The following RP1 variants were observed in gnomAD, a reference collection of about 807,000 sequenced individuals.
RP1 encodes oxygen-regulated protein 1.
RP1 carries 16 observed loss-of-function variants against 14.8 expected under a neutral mutation model. The observed-to-expected ratio is 1.08, with a 90% CI of 0.73 to 1.65. RP1 has a LOEUF of 1.65. Ranked by LOEUF, RP1 falls within the 40% of genes most tolerant of loss-of-function variation. The pLI, the probability that RP1 is intolerant of heterozygous loss-of-function variation, is 0.00. For missense variants in RP1, 2,631 were observed against 2,535.0 expected, an observed-to-expected ratio of 1.04 and a Z score of -0.81; for synonymous variants, 876 against 883.6, an observed-to-expected ratio of 0.99 and a Z score of 0.15.
At chr8:54,752,569 TA>T (rs1475247587) in intron 19 of RP1, among the ~76,000 whole-genome samples, 1 of 152,244 alleles carries the variant, frequency 6.6e-6, no homozygotes, top group African/African-American at 2.4e-5. Context: ...TCAACCTGCT[TA>T]TTCCAGTTCA....
chr8:54,636,611 G>A (rs775940681), intron 3 of RP1, among the ~76,000 whole-genome samples: 4 of 152,050 alleles, frequency 2.6e-5, no homozygotes, highest in Non-Finnish European at 5.9e-5. Context: ...GGTCGTGGGC[G>A]CCTGTAATCC....
At chr8:54,594,021 T>G (rs1366938257) in intron 1 of RP1, among the ~76,000 whole-genome samples, 2 of 151,540 alleles carry the variant, frequency 1.3e-5, no homozygotes, top group Admixed American at 1.3e-4. Flanking sequence ...CTGAGAGAAC[T>G]TGGGACCAGG....
intron 18 of RP1, among the ~76,000 whole-genome samples, chr8:54,738,718 G>A (rs1464023026): frequency 2.0e-5 from 3 of 151,954 alleles, no homozygotes; most frequent in Non-Finnish European, 2.9e-5. Flanking sequence ...GACTCCTTCT[G>A]CATATTTTTA....
chr8:54,622,345 C>T, intron 3 of RP1, 57 bp downstream of exon 3: 2 of 1,493,154 alleles, frequency 1.3e-6, no homozygotes, highest in Admixed American at 1.7e-5. Flanking sequence ...TTTTTTGCCT[C>T]AAGGACGGCA....
At chr8:54,639,739 A>G (rs891693763) in intron 3 of RP1, among the ~76,000 whole-genome samples, 6 of 152,166 alleles carry the variant, frequency 3.9e-5, no homozygotes, top group African/African-American at 1.4e-4. Flanking sequence ...TCTGTTGGGC[A>G]TTTGAAATCT....
intron 12 of RP1, among the ~76,000 whole-genome samples, chr8:54,689,386 G>A (rs1185674265): frequency 1.3e-5 from 2 of 152,042 alleles, no homozygotes; most frequent in African/African-American, 4.8e-5. Flanking sequence ...TCCCTGTCTC[G>A]TTACATTTTA....
intron 1 of RP1, among the ~76,000 whole-genome samples, chr8:54,598,115 A>G (rs932425697): frequency 1.3e-5 from 2 of 152,190 alleles, no homozygotes; most frequent in Non-Finnish European, 2.9e-5. Flanking sequence ...CATATAGCAT[A>G]TGAGTTCATT....
Position 54,621,057 on chromosome 8 carries a change from C to T in RP1, c.91C>T (p.His31Tyr). ...VPPPRHLSLT[H>Y]PVVAKRISFY... ...ACCCCCTCGCCATTTGAGCCTCACT[C>T]ATCCTGTTGTGGCCAAGCGAATCAG... The change falls in exon 2 of 4, where the codon CAT (histidine) becomes TAT (tyrosine). Residue 31 changes from histidine (H) to tyrosine (Y), a missense_variant. Physicochemically the swap from His to Tyr is moderately conservative, Grantham distance 83. Transcript: ENST00000220676. The T allele has an allele frequency of 6.2e-7, 1 of 1,614,192 alleles. No homozygotes were observed. The highest frequency in any genetic ancestry group is 8.5e-7 in the Non-Finnish European group (1 of 1,180,038).
intron 1 of RP1, among the ~76,000 whole-genome samples, chr8:54,617,998 C>T (rs1420228632): frequency 1.3e-5 from 2 of 152,168 alleles, no homozygotes; most frequent in African/African-American, 4.8e-5. Flanking sequence ...TACAAGGATG[C>T]AGAATCTCAA....
chr8:54,865,366 C>T (rs1199686179), intron 27 of RP1, among the ~76,000 whole-genome samples: 1 of 151,060 alleles, frequency 6.6e-6, no homozygotes, highest in Non-Finnish European at 1.5e-5. Context: ...TTCTTCCCTC[C>T]TTCTCTCTCT....
chr8:54,737,689 G>A (rs951805009), intron 18 of RP1, among the ~76,000 whole-genome samples: 1 of 152,130 alleles, frequency 6.6e-6, no homozygotes, highest in Non-Finnish European at 1.5e-5. Context: ...ATTGAAACAG[G>A]CCCAGGTCTG....
At chr8:54,696,886 G>A in intron 12 of RP1, 1 of 781,896 alleles carries the variant, frequency 1.3e-6, no homozygotes, top group South Asian at 1.3e-5. Flanking sequence ...TCAAGAATAA[G>A]ATCGTTCTTC....
At position 54,625,230 on chromosome 8, in the gene RP1, C is replaced by A. The variant is rs1437314329; in HGVS notation, c.1348C>A (p.Pro450Thr). The A allele has an allele frequency of 6.2e-7, 1 of 1,613,970 alleles. No individual in the cohort carries two copies. Among genetic ancestry groups the A allele is most frequent in the Admixed American group, 1.7e-5 (1 of 59,994 alleles). ...DQAKHRFYRPPTPGLRRVRQK... is the reference protein window; with the variant it reads ...DQAKHRFYRPTTPGLRRVRQK... Reference sequence around the variant, plus strand: ...AGCAAAGCATCGTTTTTATAGGCCCCCTACACCTGGACTAAGAAGAGTGAG... The same window carrying A: ...AGCAAAGCATCGTTTTTATAGGCCCACTACACCTGGACTAAGAAGAGTGAG... Residue 450 changes from proline to threonine, a missense_variant, in exon 4 of 4, where the codon CCT becomes ACT. Coordinates refer to ENST00000220676, the MANE Select transcript of RP1 (RefSeq NM_006269.2).
At chr8:54,823,156 G>T (rs1269463497) in intron 24 of RP1, among the ~76,000 whole-genome samples, 1 of 152,058 alleles carries the variant, frequency 6.6e-6, no homozygotes, top group East Asian at 1.9e-4. Context: ...ATTCCATCCT[G>T]AGAAAGCCCT....
At chr8:54,611,923 CT>C (rs1013073813), upstream of RP1, among the ~76,000 whole-genome samples, 3 of 150,344 alleles carry the variant, frequency 2.0e-5, no homozygotes, top group African/African-American at 7.4e-5. Flanking sequence ...CTATTCCCCC[CT>C]GCCCCCCAAC....
At chr8:54,867,813 A>T (rs148757512) in intron 28 of RP1, among the ~76,000 whole-genome samples, 8 of 152,336 alleles carry the variant, frequency 5.3e-5, no homozygotes, top group African/African-American at 1.7e-4. Context: ...GGTAGCCACT[A>T]GTCACATATG....
intron 24 of RP1, among the ~76,000 whole-genome samples, chr8:54,810,227 C>T (rs925030007): frequency 2.0e-5 from 3 of 152,046 alleles, no homozygotes; most frequent in Admixed American, 6.5e-5. Flanking sequence ...TCTAGAGTAC[C>T]CTGCTTCTCA....
intron 23 of RP1, among the ~76,000 whole-genome samples, chr8:54,778,066 C>A (rs562104333): frequency 6.2e-4 from 94 of 152,232 alleles, no homozygotes; most frequent in African/African-American, 2.2e-3. Context: ...GATCCCAAAA[C>A]GTTTCATAAA....
intron 23 of RP1, among the ~76,000 whole-genome samples, chr8:54,778,710 A>G (rs1810106432): frequency 6.6e-6 from 1 of 152,094 alleles, no homozygotes; most frequent in Non-Finnish European, 1.5e-5. Context: ...CATTTTGGCT[A>G]AAAGATTTTA....
Sources: allele counts gnomAD v4.1 joint callset (sites outside exome capture counted in the v4.1 genomes callset), GRCh38; gene constraint gnomAD v4.1.1; transcripts MANE v1.5; gene names NCBI Gene and HGNC (gene_info 2026-07-23, HGNC 2026-07-21).